Variants in UHRF2 observed in about 807,000 individuals in gnomAD.
UHRF2 encodes the protein ubiquitin like with PHD and ring finger domains 2, also known as E3 ubiquitin-protein ligase UHRF2.
UHRF2 carries 23 observed loss-of-function variants against 96.8 expected under a neutral mutation model. The ratio of observed to expected loss-of-function variants is 0.24; its 90% CI spans 0.17 to 0.34. The LOEUF is 0.34. Among genes scored for constraint, UHRF2 ranks in the 10% least tolerant of loss-of-function variants. UHRF2 has a pLI of 1.00. For synonymous variants in UHRF2, 385 were observed against 332.6 expected (o/e 1.16, Z -1.72); for missense variants, 685 against 981.5 (o/e 0.70, Z 4.04).
At chr9:6,476,332 G>GT (rs1823571275) in intron 5 of UHRF2, among the ~76,000 whole-genome samples, 3 of 152,150 alleles carry the variant, frequency 2.0e-5, no homozygotes, top group Admixed American at 2.0e-4. Context: ...GAAAAAGCCT[G>GT]TTTCTGTAAT....
At chr9:6,505,981 ACTTACATG>A (rs1243242090) in intron 15 of UHRF2, 44 bp from the exon 16 acceptor site, 1 of 1,597,708 alleles carries the variant, frequency 6.3e-7, no homozygotes, top group East Asian at 2.2e-5. Context: ...GTTGCTGAGT[ACTTACATG>A]CTTTATGCTC....
intron 9 of UHRF2, among the ~76,000 whole-genome samples, chr9:6,487,791 G>A (rs187640179): frequency 3.9e-5 from 6 of 152,268 alleles, no homozygotes; most frequent in Admixed American, 2.0e-4. Context: ...CGTGAGCCAC[G>A]GTGCCCATCC....
At chr9:6,495,622 T>C (rs2130956088) in intron 10 of UHRF2, 2 of 152,326 alleles carry the variant, frequency 1.3e-5, no homozygotes, top group South Asian at 4.1e-4. Flanking sequence ...GGCAGCAAAG[T>C]AACCTGGCCA....
Position 6,504,277 on chromosome 9 carries a change from G to T in UHRF2, c.2164-316G>T, listed in dbSNP as rs148739616. 1.1e-4 allele frequency: 18 copies of T among 165,330 alleles called. No individual in the cohort carries two copies. In the East Asian group the frequency reaches 3.2e-3, roughly 30 times the overall value. 10.2% of individuals were successfully genotyped at this position (165,330 alleles called of 1,614,324 possible). A position where few individuals can be genotyped will look rare whatever the true frequency, so the allele number is the denominator to read the frequency against. The stretch of plus-strand genomic sequence containing the variant: ...CCTGACCTTGTGATCCGCCTGCCTC[G>T]GCCTCCCAAAGTGCTGGGATTACAG... On this transcript the variant is annotated intron_variant, in intron 14 of 15. Transcript: ENST00000276893.
chr9:6,505,282 C>T (rs537572916), intron 15 of UHRF2, among the ~76,000 whole-genome samples: 19 of 150,872 alleles, frequency 1.3e-4, no homozygotes, highest in South Asian at 2.1e-4. Flanking sequence ...TATATATATG[C>T]GTGTGTGTGT....
intron 3 of UHRF2, among the ~76,000 whole-genome samples, chr9:6,460,001 A>C (rs1451604923): frequency 6.6e-6 from 1 of 152,184 alleles, no homozygotes; most frequent in Non-Finnish European, 1.5e-5. Flanking sequence ...TGGGTTAAAA[A>C]AATGTAGAGC....
chr9:6,426,836 C>T (rs757612913), intron 2 of UHRF2, among the ~76,000 whole-genome samples: 17 of 152,154 alleles, frequency 1.1e-4, no homozygotes, highest in Non-Finnish European at 1.6e-4. Context: ...GCAACCTCTG[C>T]CTCCTGGGTT....
rs573756743 is a variant in UHRF2 at position 6,443,138 on chromosome 9, G to C, written c.644+8965G>C. ...TATGAAAGTTAATATGTCTGTATCT[G>C]ATCTTAAGAATGAAGCTACCTTTGG... On this transcript the variant is annotated intron_variant, in intron 3 of 15. Coordinates refer to ENST00000276893, the MANE Select transcript of UHRF2 (RefSeq NM_152896.3). 3.3e-5 allele frequency among the ~76,000 whole-genome samples: 5 copies of C among 152,322 alleles called. No individual in the cohort carries two copies. The East Asian group carries it at 9.6e-4, about 29-fold the overall frequency.
At chr9:6,488,163 A>C (rs1351338927) in intron 9 of UHRF2, among the ~76,000 whole-genome samples, 1 of 148,190 alleles carries the variant, frequency 6.7e-6, no homozygotes, top group Admixed American at 6.8e-5. Context: ...GGATTGCTTG[A>C]GCTCAGGAGG....
At chr9:6,479,187 ATC>A (rs1278766895) in intron 6 of UHRF2, among the ~76,000 whole-genome samples, 1 of 152,134 alleles carries the variant, frequency 6.6e-6, no homozygotes, top group Non-Finnish European at 1.5e-5. Context: ...CTCAAGAGCT[ATC>A]TCTACTAATT....
chr9:6,438,558 A>G (rs1820984579), intron 3 of UHRF2, among the ~76,000 whole-genome samples: 1 of 152,184 alleles, frequency 6.6e-6, no homozygotes, highest in Non-Finnish European at 1.5e-5. Context: ...ACCTGTGCAC[A>G]ATTGTGTCTG....
chr9:6,458,761 T>G (rs937016513), intron 3 of UHRF2, among the ~76,000 whole-genome samples: 2 of 152,186 alleles, frequency 1.3e-5, no homozygotes, highest in East Asian at 3.8e-4. Flanking sequence ...TAAAGACACA[T>G]GCACATGTAT....
intron 4 of UHRF2, among the ~76,000 whole-genome samples, chr9:6,471,434 A>G (rs577569502): frequency 6.6e-6 from 1 of 152,268 alleles, no homozygotes; most frequent in Non-Finnish European, 1.5e-5. Context: ...ATACTTCACT[A>G]GGGTGGCTCT....
intron 5 of UHRF2, among the ~76,000 whole-genome samples, chr9:6,475,779 A>T (rs1170546940): frequency 2.0e-5 from 3 of 152,066 alleles, no homozygotes; most frequent in Non-Finnish European, 2.9e-5. Flanking sequence ...ATATTTAAGG[A>T]GTATATGTGA....
chr9:6,458,336 A>T (rs1204399065), intron 3 of UHRF2, among the ~76,000 whole-genome samples: 2 of 151,834 alleles, frequency 1.3e-5, no homozygotes, highest in Admixed American at 6.6e-5. Flanking sequence ...ATCAGTGGTG[A>T]TATCCCCTTT....
rs138813672 is a variant in UHRF2, at chr9:6,455,130, T to TTTTG, written c.645-5423_645-5420dup. Among the ~76,000 whole-genome samples, 204 of 152,226 alleles carry TTTTG rather than the reference T, an allele frequency of 1.3e-3. 2 individuals carry two copies. The highest frequency in any genetic ancestry group is 6.8e-3 in the Middle Eastern group (2 of 294). ...TAGCAATACATAGGAGCAGCAGCTT[T>TTTTG]TTTGTTTGTTTGTTTGTTTGTTTAT... On this transcript the variant is annotated intron_variant, in intron 3 of 15. Coordinates refer to ENST00000276893, the MANE Select transcript of UHRF2 (RefSeq NM_152896.3).
chr9:6,431,267 TACTC>T (rs1440708940), intron 2 of UHRF2, among the ~76,000 whole-genome samples: 5 of 152,194 alleles, frequency 3.3e-5, no homozygotes, highest in African/African-American at 1.2e-4. Context: ...TGTGAGTGCT[TACTC>T]ACAGCAATAC....
chr9:6,423,356 C>T (rs1429694503), intron 2 of UHRF2, among the ~76,000 whole-genome samples: 9 of 152,120 alleles, frequency 5.9e-5, no homozygotes, highest in Admixed American at 1.3e-4. Context: ...GATACTAAAA[C>T]ATGACAAAAA....
chr9:6,483,898 A>C (rs1824084948), intron 8 of UHRF2, among the ~76,000 whole-genome samples: 1 of 152,142 alleles, frequency 6.6e-6, no homozygotes, highest in South Asian at 2.1e-4. Context: ...CATGTTGGTC[A>C]GGCTGGTCTC....
Sources: allele counts gnomAD v4.1 joint callset (sites outside exome capture counted in the v4.1 genomes callset), GRCh38; gene constraint gnomAD v4.1.1; transcripts MANE v1.5; gene names NCBI Gene and HGNC (gene_info 2026-07-23, HGNC 2026-07-21).